CDH12: variants seen among roughly 807,000 people sequenced by gnomAD.
CDH12 encodes the protein cadherin 12.
A neutral mutation model predicts 74.1 loss-of-function variants in CDH12; 41 were observed. That is an observed-to-expected ratio of 0.55 (90% CI 0.43 to 0.72). The LOEUF is 0.72. Among genes scored for constraint, CDH12 ranks in the 30% least tolerant of loss-of-function variants. CDH12 has a pLI of 0.00. For synonymous variants in CDH12, 399 were observed against 355.0 expected (o/e 1.12, Z -1.39); for missense variants, 945 against 977.2 (o/e 0.97, Z 0.44).
chr5:21,917,735 T>C (rs1215288424), intron 6 of CDH12, among the ~76,000 whole-genome samples: 1 of 152,166 alleles, frequency 6.6e-6, no homozygotes, highest in Admixed American at 6.5e-5. Flanking sequence ...GGTTAGGCTA[T>C]TTAAAAAAAC....
intron 1 of CDH12, among the ~76,000 whole-genome samples, chr5:22,610,509 T>A (rs1044233819): frequency 1.3e-5 from 2 of 152,094 alleles, no homozygotes; most frequent in African/African-American, 2.4e-5. Flanking sequence ...GTTATGTCAA[T>A]AATTCTCAGT....
intron 3 of CDH12, among the ~76,000 whole-genome samples, chr5:22,229,413 C>A (rs1752309984): frequency 6.8e-6 from 1 of 146,790 alleles, no homozygotes; most frequent in Non-Finnish European, 1.5e-5. Flanking sequence ...GGCCTTGTTA[C>A]TCCAGCCTGG....
intron 8 of CDH12, among the ~76,000 whole-genome samples, chr5:21,841,222 G>C (rs1366058408): frequency 6.6e-6 from 1 of 150,854 alleles, no homozygotes; most frequent in African/African-American, 2.4e-5. Context: ...CTTCTCAAAA[G>C]AAGACATTTA....
At chr5:22,265,153 A>T (rs1753660732) in intron 3 of CDH12, among the ~76,000 whole-genome samples, 1 of 152,182 alleles carries the variant, frequency 6.6e-6, no homozygotes, top group Admixed American at 6.6e-5. Context: ...GTCTTGGACA[A>T]AATGCTACGT....
intron 3 of CDH12, among the ~76,000 whole-genome samples, chr5:22,320,914 A>G (rs1188857701): frequency 2.6e-5 from 4 of 152,216 alleles, no homozygotes; most frequent in African/African-American, 9.7e-5. Context: ...TATTTTGAAT[A>G]ATAACAATGC....
chr5:22,834,105 C>CTA (rs1736726067), intron 1 of CDH12, among the ~76,000 whole-genome samples: 1 of 152,120 alleles, frequency 6.6e-6, no homozygotes, highest in South Asian at 2.1e-4. Flanking sequence ...GTCTATTGCA[C>CTA]TTTATAATTG....
At chr5:22,333,885 A>T (rs1739452483) in intron 3 of CDH12, among the ~76,000 whole-genome samples, 4 of 152,226 alleles carry the variant, frequency 2.6e-5, no homozygotes, top group African/African-American at 9.6e-5. Flanking sequence ...CAAAAACCAC[A>T]TGATAATTTC....
At chr5:22,844,826 C>A (rs1737228620) in intron 1 of CDH12, among the ~76,000 whole-genome samples, 2 of 151,750 alleles carry the variant, frequency 1.3e-5, no homozygotes. Context: ...ATTAGCAATG[C>A]CCTTCTGAAG....
intron 1 of CDH12, among the ~76,000 whole-genome samples, chr5:22,601,851 G>A (rs922276423): frequency 6.6e-6 from 1 of 151,994 alleles, no homozygotes; most frequent in African/African-American, 2.4e-5. Flanking sequence ...CCTTTGAAAG[G>A]AAGAAACTGG....
At chr5:22,408,944 A>G (rs1743065671) in intron 2 of CDH12, among the ~76,000 whole-genome samples, 1 of 152,016 alleles carries the variant, frequency 6.6e-6, no homozygotes, top group Admixed American at 6.6e-5. Flanking sequence ...AGTATTCTAC[A>G]ATAAGGCATA....
At chr5:22,484,734 C>T (rs1355218849) in intron 2 of CDH12, among the ~76,000 whole-genome samples, 1 of 152,216 alleles carries the variant, frequency 6.6e-6, no homozygotes, top group East Asian at 1.9e-4. Context: ...TCCCTCCTGG[C>T]ACATGTGAGT....
chr5:22,623,653 T>G (rs922090282), intron 1 of CDH12, among the ~76,000 whole-genome samples: 1 of 151,894 alleles, frequency 6.6e-6, no homozygotes, highest in Non-Finnish European at 1.5e-5. Flanking sequence ...CACTGCTCAA[T>G]GAAATAAAAG....
intron 5 of CDH12, among the ~76,000 whole-genome samples, chr5:22,060,990 A>G (rs1741150654): frequency 6.6e-6 from 1 of 152,208 alleles, no homozygotes; most frequent in Admixed American, 6.5e-5. Flanking sequence ...ATTGTGCTAT[A>G]GTAAAAAAAA....
intron 5 of CDH12, among the ~76,000 whole-genome samples, chr5:22,019,288 T>C (rs1039458652): frequency 6.6e-6 from 1 of 152,140 alleles, no homozygotes; most frequent in Non-Finnish European, 1.5e-5. Context: ...AAAAAGCACA[T>C]ACAGTATATA....
At chr5:22,792,829 G>C (rs1561034495) in intron 1 of CDH12, among the ~76,000 whole-genome samples, 1 of 151,918 alleles carries the variant, frequency 6.6e-6, no homozygotes, top group Non-Finnish European at 1.5e-5. Flanking sequence ...TATCTCTCCT[G>C]GTGTCATTCA....
chr5:22,687,821 A>G (rs1741890530), intron 1 of CDH12, among the ~76,000 whole-genome samples: 4 of 152,224 alleles, frequency 2.6e-5, no homozygotes, highest in Admixed American at 1.3e-4. Flanking sequence ...CATAAAAAAG[A>G]TTATCTGAAT....
intron 1 of CDH12, among the ~76,000 whole-genome samples, chr5:22,647,511 C>G (rs1739507153): frequency 6.6e-6 from 1 of 151,686 alleles, no homozygotes; most frequent in Admixed American, 6.6e-5. Flanking sequence ...CTGCTGAGGG[C>G]TCTCTTCCTT....
At chr5:22,368,787 C>T (rs1236164781) in intron 3 of CDH12, among the ~76,000 whole-genome samples, 1 of 142,656 alleles carries the variant, frequency 7.0e-6, no homozygotes, top group Non-Finnish European at 1.6e-5. Flanking sequence ...AGGTTGACCT[C>T]AAAAGTGCCG....
intron 1 of CDH12, among the ~76,000 whole-genome samples, chr5:22,513,405 C>T: frequency 6.6e-6 from 1 of 152,060 alleles, no homozygotes; most frequent in East Asian, 1.9e-4. Context: ...CAGCTTTTCT[C>T]CCACAAGCAC....
Sources: gnomAD v4.1 joint callset for allele counts (sites outside exome capture counted in the v4.1 genomes callset) on GRCh38, gnomAD v4.1.1 for gene constraint, MANE v1.5 for transcripts, NCBI Gene and HGNC (gene_info 2026-07-23, HGNC 2026-07-21) for gene names.